CDC42BPA: variants seen among roughly 807,000 people sequenced by gnomAD.
CDC42BPA encodes the protein CDC42 binding protein kinase alpha.
Under a neutral mutation model 223.5 loss-of-function variants are expected in CDC42BPA, and 80 were observed. The ratio of observed to expected loss-of-function variants is 0.36; its 90% CI spans 0.30 to 0.43. CDC42BPA has a LOEUF of 0.43. Ranked by LOEUF, CDC42BPA falls within the 20% of genes least tolerant of loss-of-function variation. The pLI, the probability that CDC42BPA is intolerant of heterozygous loss-of-function variation, is 1.00. For synonymous variants in CDC42BPA, 694 were observed against 718.6 expected (o/e 0.97, Z 0.55); for missense variants, 1,743 against 2,099.9 (o/e 0.83, Z 3.32).
chr1:227,050,134 G>A (rs1280795976), intron 22 of CDC42BPA, among the ~76,000 whole-genome samples: 2 of 152,036 alleles, frequency 1.3e-5, no homozygotes, highest in Admixed American at 1.3e-4. Context: ...AGTATCTAGA[G>A]TATATAATGA....
At chr1:227,035,883 G>A (rs956192641) in intron 24 of CDC42BPA, among the ~76,000 whole-genome samples, 116 of 152,276 alleles carry the variant, frequency 7.6e-4, no homozygotes, top group African/African-American at 2.7e-3. Flanking sequence ...ATCTAACCTT[G>A]TGAATAAAAT....
intron 2 of CDC42BPA, among the ~76,000 whole-genome samples, chr1:227,248,148 G>A (rs79871386): frequency 1.3e-5 from 2 of 152,164 alleles, no homozygotes; most frequent in African/African-American, 4.8e-5. Context: ...AGAGAAGGTA[G>A]AGAAAATAAG....
At chr1:227,019,469 C>T (rs1295555170) in intron 32 of CDC42BPA, among the ~76,000 whole-genome samples, 1 of 152,180 alleles carries the variant, frequency 6.6e-6, no homozygotes, top group Admixed American at 6.5e-5. Flanking sequence ...TTTTGACCTC[C>T]TCCCATGAAT....
intron 2 of CDC42BPA, among the ~76,000 whole-genome samples, chr1:227,250,980 G>A (rs765831803): frequency 2.0e-5 from 3 of 152,088 alleles, no homozygotes; most frequent in Non-Finnish European, 4.4e-5. Flanking sequence ...TTGGGCCCAG[G>A]AATTCAAGGC....
chr1:227,297,940 ATGTGTGTGTGTGTG>A (rs151032239), intron 1 of CDC42BPA, among the ~76,000 whole-genome samples: 1 of 87,264 alleles, frequency 1.1e-5, no homozygotes, highest in Non-Finnish European at 2.7e-5. Context: ...ATTTTGTTTT[ATGTGTGTGTGTGTG>A]TATATATACA....
intron 1 of CDC42BPA, among the ~76,000 whole-genome samples, chr1:227,285,798 A>T (rs1423090817): frequency 3.9e-5 from 6 of 152,226 alleles, no homozygotes; most frequent in Non-Finnish European, 8.8e-5. Flanking sequence ...TTATGTCAGC[A>T]AACCCTAGTT....
At chr1:227,059,889 A>G (rs1428406641) in intron 21 of CDC42BPA, among the ~76,000 whole-genome samples, 2 of 151,886 alleles carry the variant, frequency 1.3e-5, no homozygotes, top group Non-Finnish European at 2.9e-5. Context: ...ATGATAATAA[A>G]TTAAAATTAA....
At chr1:227,223,170 T>C (rs546656736) in intron 2 of CDC42BPA, among the ~76,000 whole-genome samples, 1 of 149,692 alleles carries the variant, frequency 6.7e-6, no homozygotes, top group South Asian at 2.2e-4. Context: ...TCTTACACAG[T>C]GAACTCCAGA....
chr1:227,213,329 T>A (rs1281071274), intron 2 of CDC42BPA, 110 bp from the exon 3 acceptor site: 1 of 558,992 alleles, frequency 1.8e-6, no homozygotes, highest in East Asian at 3.1e-5. Flanking sequence ...ATCAATTATG[T>A]CAATGCAGTT....
At chr1:227,163,621 A>C (rs1475118489) in intron 5 of CDC42BPA, among the ~76,000 whole-genome samples, 1 of 151,816 alleles carries the variant, frequency 6.6e-6, no homozygotes, top group Non-Finnish European at 1.5e-5. Flanking sequence ...TTTTTGTTTA[A>C]TCTTCAGGGA....
At chr1:227,015,720 T>C (rs1666090808) in intron 34 of CDC42BPA, among the ~76,000 whole-genome samples, 1 of 152,070 alleles carries the variant, frequency 6.6e-6, no homozygotes, top group South Asian at 2.1e-4. Context: ...ATATCTGTAT[T>C]GATTTGCTAA....
At chr1:227,236,944 G>C (rs1234153609) in intron 2 of CDC42BPA, among the ~76,000 whole-genome samples, 2 of 149,234 alleles carry the variant, frequency 1.3e-5, no homozygotes, top group South Asian at 4.4e-4. Context: ...TCAGGAAGCT[G>C]AGGTATGAGG....
intron 3 of CDC42BPA, among the ~76,000 whole-genome samples, chr1:227,204,665 A>T (rs1243625690): frequency 6.6e-6 from 1 of 152,220 alleles, no homozygotes; most frequent in Non-Finnish European, 1.5e-5. Context: ...TTCATAGTAA[A>T]ATTTTTTTAA....
chr1:227,060,157 G>A (rs987392927), intron 21 of CDC42BPA, among the ~76,000 whole-genome samples: 27 of 149,670 alleles, frequency 1.8e-4, no homozygotes, highest in Non-Finnish European at 4.4e-5. Flanking sequence ...TCAGCCTCCT[G>A]AGTAGCTGGG....
rs1659349451 is a variant in CDC42BPA at position 227,139,795 on chromosome 1, A to G, written c.1224-53T>C. The G allele has an allele frequency of 5.1e-6, 6 of 1,169,412 alleles. No homozygotes were observed. In the Admixed American group the frequency reaches 8.7e-5, roughly 17 times the overall value. The allele number at this position is 1,169,412 out of a possible 1,614,324, so 72.4% of individuals were successfully genotyped here. A position where few individuals can be genotyped will look rare whatever the true frequency, so the allele number is the denominator to read the frequency against. ...TCATACTGTGATAAAAAGCTTGAAG[A>G]AAAACGTTAACATTTTTTAAAAATT... On this transcript the variant is annotated intron_variant, in intron 9 of 36. Transcript: ENST00000366766.
At chr1:227,163,048 A>G (rs971034924) in intron 5 of CDC42BPA, among the ~76,000 whole-genome samples, 14 of 72,430 alleles carry the variant, frequency 1.9e-4, no homozygotes, top group African/African-American at 4.5e-4. Context: ...TTCCAAACAT[A>G]TGTGTATGTT....
rs1666191320 is a variant in CDC42BPA, at chr1:227,016,132, A to G, written c.4805T>C (p.Ile1602Thr). ...TCCATCTCCAGGACCCATGTGTGCT[A>G]TGTGATTAAAATTAGTTGGATTAGA... ...LISNPTNFNH[I>T]AHMGPGDGIQ... Residue 1602 changes from isoleucine to threonine, a missense_variant, in exon 34 of 37, where the codon ATA becomes ACA. By Grantham distance (89) the Ile-to-Thr change is moderately conservative. Around this residue, in one of 6 missense-constraint regions of CDC42BPA, gnomAD observed 44 missense variants for 81.0 expected, o/e 0.54. Coordinates refer to ENST00000366766, the MANE Select transcript of CDC42BPA (RefSeq NM_001394014.1). 6.2e-7 allele frequency: 1 copy of G among 1,605,702 alleles called. No homozygotes were observed. Among genetic ancestry groups the G allele is most frequent in the Non-Finnish European group, 8.5e-7 (1 of 1,172,736 alleles).
intron 5 of CDC42BPA, among the ~76,000 whole-genome samples, chr1:227,164,703 C>T (rs995270153): frequency 4.7e-5 from 7 of 150,370 alleles, no homozygotes; most frequent in African/African-American, 1.7e-4. Flanking sequence ...CACACGTGCA[C>T]GCACACACAA....
intron 3 of CDC42BPA, among the ~76,000 whole-genome samples, chr1:227,212,581 T>G (rs775150354): frequency 6.6e-6 from 1 of 152,076 alleles, no homozygotes; most frequent in African/African-American, 2.4e-5. Flanking sequence ...GACCAGGCCA[T>G]ACCAGCTGCT....
Sources: gnomAD v4.1 joint callset for allele counts (sites outside exome capture counted in the v4.1 genomes callset) on GRCh38, gnomAD v4.1.1 for gene constraint, gnomAD v4.1.1 regional missense constraint, MANE v1.5 for transcripts, NCBI Gene and HGNC (gene_info 2026-07-23, HGNC 2026-07-21) for gene names.